Variants in TARBP1 observed in about 807,000 individuals in gnomAD.
TARBP1 encodes the protein tRNA guanosine 2 -O-methyltransferase TARBP1.
In TARBP1, 144 loss-of-function variants were observed where a neutral mutation model predicts 178.6. The observed-to-expected ratio is 0.81, with a 90% CI of 0.70 to 0.93. The LOEUF (loss-of-function observed/expected upper bound fraction) is 0.93. Among genes scored for constraint, TARBP1 ranks in the 40% least tolerant of loss-of-function variants. The pLI, the probability that TARBP1 is intolerant of heterozygous loss-of-function variation, is 0.00. For synonymous variants in TARBP1, 787 were observed against 781.0 expected (o/e 1.01, Z -0.13); for missense variants, 2,067 against 2,011.7 (o/e 1.03, Z -0.53).
chr1:234,410,329 A>C (rs1661672408), intron 23 of TARBP1, 116 bp downstream of exon 23: 1 of 608,740 alleles, frequency 1.6e-6, no homozygotes, highest in African/African-American at 1.9e-5. Flanking sequence ...AGGGCAGTGG[A>C]AAGGAAAGGG....
chr1:234,442,689 CATT>C (rs1456391565), intron 12 of TARBP1, among the ~76,000 whole-genome samples: 2 of 152,176 alleles, frequency 1.3e-5, no homozygotes, highest in African/African-American at 4.8e-5. Flanking sequence ...ATCAAACTTA[CATT>C]AATAGCATAA....
At chr1:234,472,836 T>C (rs1400243111) in intron 1 of TARBP1, 25 bp from the exon 2 acceptor site, 83 of 1,535,662 alleles carry the variant, frequency 5.4e-5, no homozygotes, top group Non-Finnish European at 7.2e-5. Context: ...AAAAGAAAAT[T>C]AGTTCTTCCT....
chr1:234,393,335 T>C, intron 28 of TARBP1, 27 bp downstream of exon 28: 1 of 1,465,004 alleles, frequency 6.8e-7, no homozygotes. Flanking sequence ...TTTTAAGAAC[T>C]TTAATAATAA....
intron 22 of TARBP1, among the ~76,000 whole-genome samples, chr1:234,411,781 A>C (rs887308274): frequency 6.6e-6 from 1 of 152,154 alleles, no homozygotes; most frequent in Non-Finnish European, 1.5e-5. Context: ...AACTATTATT[A>C]TTTCATAATC....
intron 5 of TARBP1, 41 bp downstream of exon 5, chr1:234,465,615 A>C (rs1007138991): frequency 6.6e-7 from 1 of 1,510,946 alleles, no homozygotes; most frequent in Non-Finnish European, 8.8e-7. Flanking sequence ...CTTAACATGA[A>C]ATGTATGTAT....
chr1:234,410,444 C>A lies in TARBP1; in HGVS notation c.3792+1G>T, dbSNP rs1043426303. The A allele has an allele frequency of 4.3e-5, 62 of 1,448,878 alleles. No homozygotes were observed. Among genetic ancestry groups the A allele is most frequent in the Non-Finnish European group, 5.5e-5 (58 of 1,053,824 alleles). The allele number at this position is 1,448,878 out of a possible 1,614,324, so 89.8% of individuals were successfully genotyped here. Reference sequence around the variant, plus strand: ...GTTTAAATTCTTACAAACAAACTTACCTTTTCTGGAATATTTTGAGTAATA... The same window carrying A: ...GTTTAAATTCTTACAAACAAACTTAACTTTTCTGGAATATTTTGAGTAATA... On this transcript the variant is annotated splice_donor_variant, in intron 23 of 29. Coordinates refer to ENST00000040877, the MANE Select transcript of TARBP1 (RefSeq NM_005646.4). LOFTEE classifies it high-confidence loss of function.
chr1:234,470,914 C>G (rs1459603377), intron 3 of TARBP1, among the ~76,000 whole-genome samples: 1 of 152,128 alleles, frequency 6.6e-6, no homozygotes, highest in Non-Finnish European at 1.5e-5. Context: ...CCACGCCTGG[C>G]CCAAAATTGT....
Position 234,418,035 on chromosome 1 carries a change from C to T in TARBP1, c.3705+49G>A, listed in dbSNP as rs570429704. On this transcript the variant is annotated intron_variant, in intron 22 of 29. Transcript: ENST00000040877. The stretch of plus-strand genomic sequence containing the variant: ...AGTGAAACAAATCTCCCAGCATTGT[C>T]AAAATCATGTCTTAGTTTAAAAATA... 9.0e-6 allele frequency: 10 copies of T among 1,115,316 alleles called. No homozygotes were observed. In the East Asian group the frequency reaches 2.8e-4, roughly 31 times the overall value. The allele number at this position is 1,115,316 out of a possible 1,614,324, so 69.1% of individuals were successfully genotyped here. A position where few individuals can be genotyped will look rare whatever the true frequency, so the allele number is the denominator to read the frequency against.
intron 6 of TARBP1, among the ~76,000 whole-genome samples, chr1:234,463,399 C>A (rs1441420598): frequency 6.6e-6 from 1 of 152,226 alleles, no homozygotes; most frequent in Non-Finnish European, 1.5e-5. Flanking sequence ...GCTGGGATTC[C>A]AGGCGGGAGC....
At chr1:234,452,848 C>T (rs1439400948) in intron 9 of TARBP1, among the ~76,000 whole-genome samples, 1 of 150,906 alleles carries the variant, frequency 6.6e-6, no homozygotes, top group Non-Finnish European at 1.5e-5. Context: ...AACTGTGGTA[C>T]ATCCAGACAA....
intron 24 of TARBP1, among the ~76,000 whole-genome samples, chr1:234,402,837 C>T (rs575916542): frequency 1.2e-4 from 19 of 152,222 alleles, no homozygotes; most frequent in South Asian, 8.3e-4. Flanking sequence ...CCACTCACCT[C>T]GGCCTCGCAA....
rs1668159166 is a variant in TARBP1, at chr1:234,463,830, C to T, written c.1399+7G>A. The T allele has an allele frequency of 6.6e-7, 1 of 1,518,660 alleles. No individual in the cohort carries two copies. Among genetic ancestry groups the T allele is most frequent in the Non-Finnish European group, 8.9e-7 (1 of 1,127,074 alleles). 94.1% of individuals were successfully genotyped at this position (1,518,660 alleles called of 1,614,324 possible). A position where few individuals can be genotyped will look rare whatever the true frequency, so the allele number is the denominator to read the frequency against. On this transcript the variant is annotated splice_region_variant and intron_variant, in intron 6 of 29. Transcript: ENST00000040877. The stretch of plus-strand genomic sequence containing the variant: ...CATTTTTAAAAAAACCCTTTACTGA[C>T]ACATACTCTTTATTTCTTCTGGAAG...
chr1:234,392,470 T>C lies in TARBP1; in HGVS notation c.4643A>G (p.Lys1548Arg), dbSNP rs201284678. 8 of 1,614,230 alleles carry C rather than the reference T, an allele frequency of 5.0e-6. No individual in the cohort carries two copies. The highest frequency in any genetic ancestry group is 2.7e-5 in the African/African-American group (2 of 75,064). The part of the protein sequence containing the change: ...YTIIGVEQTA[K>R]SLDLTQYCFP... ...GCAATATTGGGTTAGGTCTAAACTT[T>C]TGGCAGTTTGTTCCACTCCAATGAT... The change falls in exon 29 of 30, where the codon AAA becomes AGA. Residue 1548 changes from lysine to arginine, a missense_variant. Physicochemically the swap from Lys to Arg is conservative, Grantham distance 26. Coordinates refer to ENST00000040877, the MANE Select transcript of TARBP1 (RefSeq NM_005646.4).
At chr1:234,399,899 G>C (rs966722325) in intron 25 of TARBP1, among the ~76,000 whole-genome samples, 3 of 128,460 alleles carry the variant, frequency 2.3e-5, no homozygotes, top group Admixed American at 8.1e-5. Flanking sequence ...GTGGGGGGAG[G>C]GGGGGAGGGA....
Position 234,429,634 on chromosome 1 carries a change from C to CTATT in TARBP1, c.2649_2652dup (p.Val885AsnfsTer8). 2 of 1,610,574 alleles carry CTATT rather than the reference C, an allele frequency of 1.2e-6. No homozygotes were observed. The highest frequency in any genetic ancestry group is 1.7e-6 in the Non-Finnish European group (2 of 1,178,766). ...CATTGATCATGAATATATTGTGCAA[C>CTATT]TATTTTTCCCCATCCTTGGGAAGAT... On this transcript the variant is annotated frameshift_variant, in exon 16 of 30. Coordinates refer to ENST00000040877, the MANE Select transcript of TARBP1 (RefSeq NM_005646.4). LOFTEE classifies it high-confidence loss of function.
At chr1:234,477,594 C>T (rs1011211602) in intron 1 of TARBP1, among the ~76,000 whole-genome samples, 1 of 152,170 alleles carries the variant, frequency 6.6e-6, no homozygotes, top group African/African-American at 2.4e-5. Flanking sequence ...AAAGCTCAAA[C>T]AGTTAAAAAA....
At chr1:234,433,352 T>C (rs978621969) in intron 14 of TARBP1, 58 bp downstream of exon 14, 1 of 1,519,460 alleles carries the variant, frequency 6.6e-7, no homozygotes, top group African/African-American at 1.4e-5. Context: ...GAACTGAATA[T>C]GTATTCCCTG....
rs551871907 is a variant in TARBP1, at chr1:234,478,028, A to T, written c.931+145T>A. On this transcript the variant is annotated intron_variant, in intron 1 of 29. Transcript: ENST00000040877. ...TCGAGAAGGGGTTCCAAAGGTTTTC[A>T]GGCTTTAGGGGAGCAACGCGGAATA... is the stretch of plus-strand genomic sequence containing the variant. 32 of 753,332 alleles carry T rather than the reference A, an allele frequency of 4.2e-5. No homozygotes were observed. In the South Asian group the frequency reaches 5.8e-4, roughly 14 times the overall value. The allele number at this position is 753,332 out of a possible 1,614,324, so 46.7% of individuals were successfully genotyped here. A position where few individuals can be genotyped will look rare whatever the true frequency, so the allele number is the denominator to read the frequency against.
In TARBP1 at chr1:234,429,127, G is replaced by C. The variant is rs1348927163; in HGVS notation, c.3060+9C>G. 3 of 1,555,408 alleles carry C rather than the reference G, an allele frequency of 1.9e-6. No homozygotes were observed. In the South Asian group the frequency reaches 3.8e-5, roughly 20 times the overall value. On this transcript the variant is annotated intron_variant, in intron 17 of 29. Coordinates refer to ENST00000040877, the MANE Select transcript of TARBP1 (RefSeq NM_005646.4). ...AAAAGAAAAGCAAAAAGAAAAGAAA[G>C]TTAGTTACCTCTTTTATTTTGAAAT...
Sources: allele counts gnomAD v4.1 joint callset (sites outside exome capture counted in the v4.1 genomes callset), GRCh38; gene constraint gnomAD v4.1.1; transcripts MANE v1.5; gene names NCBI Gene and HGNC (gene_info 2026-07-23, HGNC 2026-07-21).